Variants in SORCS1 observed in about 807,000 individuals in gnomAD.
The protein encoded by SORCS1 is VPS10 domain-containing receptor SorCS1.
Under a neutral mutation model 146.1 loss-of-function variants are expected in SORCS1, and 60 were observed. The ratio of observed to expected loss-of-function variants is 0.41; its 90% CI spans 0.33 to 0.51. The LOEUF is 0.51. SORCS1 is among the 20% of genes least tolerant of loss of function. The probability of loss-of-function intolerance (pLI) is 0.21; values close to 1 mark genes in which losing one functional copy is unlikely to be tolerated. For synonymous variants in SORCS1, 637 were observed against 584.0 expected (o/e 1.09, Z -1.31); for missense variants, 1,352 against 1,487.6 (o/e 0.91, Z 1.50).
rs911889627 is a variant in SORCS1, at chr10:106,960,157, C to T, written c.559-3577G>A. ...TCCTCTCTAAATCTTAGGATATTATCTTTAAATAGCTATGACCCAAATTAT... is the reference window on the plus strand; with the variant it reads ...TCCTCTCTAAATCTTAGGATATTATTTTTAAATAGCTATGACCCAAATTAT... On this transcript the variant is annotated intron_variant, in intron 1 of 25. Coordinates refer to ENST00000263054, the MANE Select transcript of SORCS1 (RefSeq NM_052918.5). The surrounding 1 kb of genome is among the most constrained non-coding windows in gnomAD (Gnocchi z 4.4). Among the ~76,000 whole-genome samples, 2 of 152,154 alleles carry T rather than the reference C, an allele frequency of 1.3e-5. No individual in the cohort carries two copies. The highest frequency in any genetic ancestry group is 4.8e-5 in the African/African-American group (2 of 41,436).
chr10:107,059,623 A>G (rs949784294), intron 1 of SORCS1, among the ~76,000 whole-genome samples: 1 of 152,218 alleles, frequency 6.6e-6, no homozygotes, highest in African/African-American at 2.4e-5. Flanking sequence ...AAGGACCTGC[A>G]GCTCTGCTCT....
intron 5 of SORCS1, among the ~76,000 whole-genome samples, chr10:106,755,113 G>T (rs1386555311): frequency 6.6e-6 from 1 of 152,200 alleles, no homozygotes; most frequent in African/African-American, 2.4e-5. Context: ...TTGGCTTTTG[G>T]CAGGAGGTTT....
intron 5 of SORCS1, among the ~76,000 whole-genome samples, chr10:106,734,930 G>A (rs1856840274): frequency 6.6e-6 from 1 of 152,102 alleles, no homozygotes; most frequent in Non-Finnish European, 1.5e-5. Context: ...AGGATCACCT[G>A]AGGTCAGGAG....
intron 2 of SORCS1, among the ~76,000 whole-genome samples, chr10:106,882,636 T>C (rs1950847979): frequency 6.6e-6 from 1 of 152,100 alleles, no homozygotes; most frequent in Non-Finnish European, 1.5e-5. Flanking sequence ...TTTTAGCTTT[T>C]TAACCTGAGA....
intron 5 of SORCS1, among the ~76,000 whole-genome samples, chr10:106,760,731 A>ACG (rs1859040736): frequency 6.9e-6 from 1 of 144,754 alleles, no homozygotes; most frequent in Admixed American, 6.8e-5. Flanking sequence ...ACACACACAC[A>ACG]CACACGCACA....
chr10:106,956,444 G>A, intron 2 of SORCS1, 69 bp downstream of exon 2: 1 of 1,416,876 alleles, frequency 7.1e-7, no homozygotes, highest in African/African-American at 1.4e-5. Flanking sequence ...GGAAAAAGTG[G>A]GTGGGACAGC....
intron 1 of SORCS1, among the ~76,000 whole-genome samples, chr10:107,024,899 A>C (rs1257502437): frequency 6.6e-6 from 1 of 152,216 alleles, no homozygotes; most frequent in Non-Finnish European, 1.5e-5. Context: ...AATATTACAG[A>C]AGGATTTAGA....
intron 23 of SORCS1, among the ~76,000 whole-genome samples, chr10:106,599,021 T>C (rs1414832803): frequency 6.6e-6 from 1 of 152,168 alleles, no homozygotes; most frequent in Non-Finnish European, 1.5e-5. Flanking sequence ...AAAACAACTT[T>C]ATTCTGTGTA....
rs542560435 is a variant in SORCS1, at chr10:106,866,539, C to T, written c.627-36866G>A. Among the ~76,000 whole-genome samples, 10 of 152,340 alleles carry T rather than the reference C, an allele frequency of 6.6e-5. 1 individual carries two copies. The South Asian group carries it at 2.1e-3, about 32-fold the overall frequency. ...AAACCCTGAGATTTCCCCAGAGCTG[C>T]AGTGGGCAGCCCAAGAGTGCCAAGC... On this transcript the variant is annotated intron_variant, in intron 2 of 25. Transcript: ENST00000263054.
intron 5 of SORCS1, among the ~76,000 whole-genome samples, chr10:106,745,143 G>A (rs1254132146): frequency 1.3e-5 from 2 of 152,186 alleles, no homozygotes; most frequent in Non-Finnish European, 2.9e-5. Context: ...TAAGGGCCAG[G>A]TGCGGTGGTT....
At chr10:107,141,388 G>C (rs1019818252) in intron 1 of SORCS1, among the ~76,000 whole-genome samples, 3 of 152,072 alleles carry the variant, frequency 2.0e-5, no homozygotes, top group African/African-American at 7.2e-5. Context: ...TTTCCTTCCA[G>C]AGCCTATTGT....
chr10:106,786,481 C>T (rs1946059352), intron 3 of SORCS1, among the ~76,000 whole-genome samples: 1 of 152,140 alleles, frequency 6.6e-6, no homozygotes, highest in South Asian at 2.1e-4. Flanking sequence ...TGGTTTCCTT[C>T]AGTGTGAATG....
chr10:106,951,227 T>C (rs1173626754), intron 2 of SORCS1, among the ~76,000 whole-genome samples: 1 of 152,092 alleles, frequency 6.6e-6, no homozygotes, highest in Non-Finnish European at 1.5e-5. Flanking sequence ...AAAAGGAACA[T>C]CTGGCCGGGC....
At chr10:106,689,255 T>G (rs1853113491) in intron 9 of SORCS1, among the ~76,000 whole-genome samples, 1 of 152,238 alleles carries the variant, frequency 6.6e-6, no homozygotes, top group Non-Finnish European at 1.5e-5. Flanking sequence ...ACATTTTTCT[T>G]GTGTTTTGGA....
At chr10:106,696,206 A>G (rs1235447694) in intron 9 of SORCS1, among the ~76,000 whole-genome samples, 1 of 152,196 alleles carries the variant, frequency 6.6e-6, no homozygotes, top group Non-Finnish European at 1.5e-5. Flanking sequence ...CACTCCATGT[A>G]TGCTATCTCT....
intron 2 of SORCS1, among the ~76,000 whole-genome samples, chr10:106,848,781 G>A (rs1949418166): frequency 7.0e-6 from 1 of 143,660 alleles, no homozygotes; most frequent in African/African-American, 2.6e-5. Flanking sequence ...GGCAGGCCTG[G>A]TGGTGACAAA....
chr10:106,740,670 C>T (rs1174787459), intron 5 of SORCS1, among the ~76,000 whole-genome samples: 1 of 152,146 alleles, frequency 6.6e-6, no homozygotes, highest in Non-Finnish European at 1.5e-5. Context: ...GGCTGGTTTC[C>T]ATCTATTAAG....
chr10:106,695,702 A>G (rs1223231257), intron 9 of SORCS1, among the ~76,000 whole-genome samples: 1 of 21,546 alleles, frequency 4.6e-5, no homozygotes, highest in African/African-American at 8.7e-5. Flanking sequence ...AATGATATCA[A>G]TTAATGATAT....
chr10:107,123,183 T>G (rs1966507209), intron 1 of SORCS1, among the ~76,000 whole-genome samples: 1 of 151,778 alleles, frequency 6.6e-6, no homozygotes, highest in Non-Finnish European at 1.5e-5. Flanking sequence ...AGGGGGTATA[T>G]GGTAAACATT....
Sources: gnomAD v4.1 joint callset for allele counts (sites outside exome capture counted in the v4.1 genomes callset) on GRCh38, gnomAD v4.1.1 for gene constraint, Gnocchi (gnomAD v3.1) non-coding constraint, MANE v1.5 for transcripts, NCBI Gene and HGNC (gene_info 2026-07-23, HGNC 2026-07-21) for gene names.